Variants in ASCC1 observed in about 807,000 individuals in gnomAD.
ASCC1 encodes the protein ASC-1 complex subunit P50.
A neutral mutation model predicts 46.6 loss-of-function variants in ASCC1; 35 were observed. The observed-to-expected ratio is 0.75, with a 90% CI of 0.57 to 0.99. The LOEUF (loss-of-function observed/expected upper bound fraction) is 0.99, where lower values mean the gene tolerates loss of function less well. Ranked by LOEUF, ASCC1 falls within the 50% of genes least tolerant of loss-of-function variation. The pLI, the probability that ASCC1 is intolerant of heterozygous loss-of-function variation, is 0.00. For synonymous variants in ASCC1, 143 were observed against 146.6 expected, an observed-to-expected ratio of 0.98 and a Z score of 0.18; for missense variants, 376 against 428.7, an observed-to-expected ratio of 0.88 and a Z score of 1.09.
chr10:72,111,318 C>G lies in ASCC1; in HGVS notation c.958-13868G>C, dbSNP rs1328362098. ...GCCTGGGCAACATGGCAAGACATCT[C>G]TACAAAAAAATACAAAAATTAGTTG... On this transcript the variant is annotated intron_variant, in intron 9 of 9. Transcript: ENST00000672957. Among the ~76,000 whole-genome samples the G allele has an allele frequency of 2.0e-5, 3 of 151,996 alleles. No homozygotes were observed. In the East Asian group the frequency reaches 5.8e-4, roughly 29 times the overall value.
chr10:72,120,801 A>G (rs1293067808), intron 9 of ASCC1, among the ~76,000 whole-genome samples: 1 of 152,178 alleles, frequency 6.6e-6, no homozygotes, highest in Non-Finnish European at 1.5e-5. Flanking sequence ...AAGAAACTCC[A>G]TCAACCTGGA....
chr10:72,195,944 C>A (rs12098498), intron 5 of ASCC1, among the ~76,000 whole-genome samples: 20,828 of 151,928 alleles, frequency 0.14, 4,069 homozygotes, highest in African/African-American at 0.43. Context: ...TTTTATTAAT[C>A]TTTTCTGTAT....
At chr10:72,155,234 A>T (rs1848817756) in intron 6 of ASCC1, among the ~76,000 whole-genome samples, 1 of 152,172 alleles carries the variant, frequency 6.6e-6, no homozygotes, top group Admixed American at 6.5e-5. Context: ...ATCCTTTGCA[A>T]CTTTTTGAAC....
intron 4 of ASCC1, among the ~76,000 whole-genome samples, chr10:72,199,290 ATTTTTTTT>A (rs755710978): frequency 3.3e-5 from 4 of 121,166 alleles, no homozygotes; most frequent in South Asian, 2.6e-4. Flanking sequence ...CACCCAGCTA[ATTTTTTTT>A]TTTTTTTTTT....
In ASCC1 at chr10:72,102,928, T is replaced by C. The variant is rs562007486; in HGVS notation, c.958-5478A>G. On this transcript the variant is annotated intron_variant, in intron 9 of 9. Coordinates refer to ENST00000672957, the MANE Select transcript of ASCC1 (RefSeq NM_001198800.3). ...AGGCACAGGTTGCAGTGAGCGGAGA[T>C]TGCATCATTGTACTCCAGCCTGGGC... The C allele has an allele frequency of 4.3e-5, 19 of 441,076 alleles. No individual in the cohort carries two copies. The Middle Eastern group carries it at 2.0e-3, about 46-fold the overall frequency. The allele number at this position is 441,076 out of a possible 1,614,324, so 27.3% of individuals were successfully genotyped here.
chr10:72,129,334 T>C (rs1845282109), intron 8 of ASCC1, among the ~76,000 whole-genome samples: 1 of 152,082 alleles, frequency 6.6e-6, no homozygotes, highest in Non-Finnish European at 1.5e-5. Context: ...AAAGGATACA[T>C]AAAATGTGGC....
At chr10:72,161,109 C>G (rs549571938) in intron 6 of ASCC1, among the ~76,000 whole-genome samples, 4 of 147,314 alleles carry the variant, frequency 2.7e-5, no homozygotes, top group African/African-American at 1.0e-4. Flanking sequence ...GAAAGTAAGT[C>G]AGTATTTCTA....
chr10:72,154,645 C>A (rs1451221732), intron 6 of ASCC1, among the ~76,000 whole-genome samples: 1 of 152,022 alleles, frequency 6.6e-6, no homozygotes, highest in Admixed American at 6.6e-5. Flanking sequence ...ACATGTGCCA[C>A]CATGTCTGGC....
rs115733352 is a variant in ASCC1, at chr10:72,214,344, A to G, written c.-33-1013T>C. On this transcript the variant is annotated intron_variant, in intron 1 of 9. Coordinates refer to ENST00000672957, the MANE Select transcript of ASCC1 (RefSeq NM_001198800.3). ...GAGTAAAATGCAAACTTCAGTGGTTATCTAACCATTTGCACAATATCTCTT... is the reference window on the plus strand; with the variant it reads ...GAGTAAAATGCAAACTTCAGTGGTTGTCTAACCATTTGCACAATATCTCTT... Among the ~76,000 whole-genome samples the G allele has an allele frequency of 1.0e-3, 151 of 148,796 alleles. 3 individuals carry two copies. The highest frequency in any genetic ancestry group is 3.1e-3 in the African/African-American group (126 of 40,382).
In ASCC1 at chr10:72,101,594, G is replaced by A. The variant is rs1262311659; in HGVS notation, c.958-4144C>T. Among the ~76,000 whole-genome samples the A allele has an allele frequency of 2.0e-5, 3 of 152,064 alleles. 1 individual carries two copies. Among genetic ancestry groups the A allele is most frequent in the African/African-American group, 7.3e-5 (3 of 41,370 alleles). On this transcript the variant is annotated intron_variant, in intron 9 of 9. Transcript: ENST00000672957. ...GCAGTGAGAAAGACAGAAGGAAGGA[G>A]AATCAGATTAAGGGTGTCTGGGGGA...
At chr10:72,122,933 T>TAGAAA (rs1182186106) in intron 9 of ASCC1, among the ~76,000 whole-genome samples, 1 of 152,166 alleles carries the variant, frequency 6.6e-6, no homozygotes, top group African/African-American at 2.4e-5. Context: ...TAGTGCATGT[T>TAGAAA]AGAAAAGAAA....
intron 7 of ASCC1, among the ~76,000 whole-genome samples, chr10:72,137,927 G>A (rs747190677): frequency 1.3e-5 from 2 of 151,530 alleles, no homozygotes; most frequent in Admixed American, 6.6e-5. Context: ...GCAGTGGCAC[G>A]ATCTCAGCTC....
chr10:72,132,222 G>A (rs188128021), intron 8 of ASCC1, among the ~76,000 whole-genome samples: 11 of 152,130 alleles, frequency 7.2e-5, no homozygotes, highest in African/African-American at 1.4e-4. Context: ...AAATGAAACC[G>A]GAATACGTGA....
At chr10:72,137,288 G>T (rs1187867166) in intron 7 of ASCC1, among the ~76,000 whole-genome samples, 1 of 151,822 alleles carries the variant, frequency 6.6e-6, no homozygotes, top group Non-Finnish European at 1.5e-5. Flanking sequence ...CAGCACTTTG[G>T]GAGGCCAAGG....
chr10:72,119,736 C>T (rs914351258), intron 9 of ASCC1, among the ~76,000 whole-genome samples: 1 of 149,274 alleles, frequency 6.7e-6, no homozygotes, highest in African/African-American at 2.5e-5. Flanking sequence ...AAAAAACCAA[C>T]ACAACACAAT....
chr10:72,157,695 T>C (rs1849149171), intron 6 of ASCC1, among the ~76,000 whole-genome samples: 1 of 152,202 alleles, frequency 6.6e-6, no homozygotes, highest in Admixed American at 6.5e-5. Flanking sequence ...TGAGTGTACT[T>C]AACACTACTG....
intron 5 of ASCC1, among the ~76,000 whole-genome samples, chr10:72,166,049 G>C (rs73274929): frequency 6.6e-6 from 1 of 152,034 alleles, no homozygotes; most frequent in Admixed American, 6.5e-5. Context: ...ACTTTCCCAA[G>C]GTAACACTGC....
intron 7 of ASCC1, among the ~76,000 whole-genome samples, chr10:72,141,937 AT>A (rs1847063443): frequency 6.6e-6 from 1 of 152,184 alleles, no homozygotes; most frequent in South Asian, 2.1e-4. Context: ...TTCTAAAAAA[AT>A]TTTCCCACAC....
At chr10:72,182,178 C>T (rs1852725268) in intron 5 of ASCC1, among the ~76,000 whole-genome samples, 1 of 152,192 alleles carries the variant, frequency 6.6e-6, no homozygotes, top group African/African-American at 2.4e-5. Context: ...ACCAAAGTAG[C>T]TTAGGAAGAA....
Sources: allele counts gnomAD v4.1 joint callset (sites outside exome capture counted in the v4.1 genomes callset), GRCh38; gene constraint gnomAD v4.1.1; transcripts MANE v1.5; gene names NCBI Gene and HGNC (gene_info 2026-07-23, HGNC 2026-07-21).